CFAP70: variants seen among roughly 807,000 people sequenced by gnomAD.
The protein encoded by CFAP70 is cilia- and flagella-associated protein 70.
In CFAP70, 81 loss-of-function variants were observed where a neutral mutation model predicts 137.6. The ratio of observed to expected loss-of-function variants is 0.59; its 90% CI spans 0.49 to 0.71. The LOEUF is 0.71. Among genes scored for constraint, CFAP70 ranks in the 30% least tolerant of loss-of-function variants. CFAP70 has a pLI of 0.00. For missense variants in CFAP70, 976 were observed against 1,226.7 expected, an observed-to-expected ratio of 0.80 and a Z score of 3.05; for synonymous variants, 382 against 423.6, an observed-to-expected ratio of 0.90 and a Z score of 1.20.
At chr10:73,272,025 G>C (rs1390312868) in intron 24 of CFAP70, among the ~76,000 whole-genome samples, 2 of 152,174 alleles carry the variant, frequency 1.3e-5, no homozygotes, top group Non-Finnish European at 2.9e-5. Context: ...TTTCTATAAT[G>C]AACACATATT....
intron 7 of CFAP70, among the ~76,000 whole-genome samples, chr10:73,331,766 T>C (rs931502572): frequency 6.6e-6 from 1 of 152,144 alleles, no homozygotes; most frequent in African/African-American, 2.4e-5. Context: ...CTGCTCAACT[T>C]CTAGTGAGGC....
intron 25 of CFAP70, among the ~76,000 whole-genome samples, chr10:73,268,738 G>C (rs1157635159): frequency 2.0e-5 from 3 of 151,286 alleles, no homozygotes; most frequent in Non-Finnish European, 4.4e-5. Flanking sequence ...CTGTCACCCA[G>C]GTTGGAGTGC....
intron 14 of CFAP70, 133 bp from the exon 16 acceptor site, chr10:73,297,306 G>A: frequency 2.4e-6 from 2 of 849,768 alleles, no homozygotes; most frequent in East Asian, 2.8e-5. Context: ...TTGGTGGGTG[G>A]TAGACTATCA....
chr10:73,304,009 T>C (rs2049166384), intron 12 of CFAP70, among the ~76,000 whole-genome samples: 1 of 152,172 alleles, frequency 6.6e-6, no homozygotes, highest in African/African-American at 2.4e-5. Flanking sequence ...GTTTTGAGTT[T>C]TTGACTATTT....
chr10:73,358,127 A>C (rs75915163), intron 1 of CFAP70, among the ~76,000 whole-genome samples: 3,033 of 152,326 alleles, frequency 0.02, 91 homozygotes, highest in African/African-American at 0.07. Flanking sequence ...CACTGCACAA[A>C]TGGTATTATT....
intron 9 of CFAP70, 55 bp from the exon 11 acceptor site, chr10:73,312,698 A>T: frequency 3.5e-6 from 5 of 1,415,694 alleles, no homozygotes; most frequent in Non-Finnish European, 4.7e-6. Context: ...AACTTGAAAG[A>T]AATACACATT....
chr10:73,274,795 C>T (rs1373690307), intron 22 of CFAP70: 1 of 543,234 alleles, frequency 1.8e-6, no homozygotes, highest in Non-Finnish European at 3.1e-6. Flanking sequence ...TAGCTCTGCC[C>T]TCAGATTTCT....
At position 73,318,274 on chromosome 10, in the gene CFAP70, CT is replaced by C. The variant is rs554504663; in HGVS notation, c.912+4688del. Reference sequence around the variant, plus strand: ...GTCCATTTGTCCAGCTTTATGGTTGCTTTTGTGGGGAGATGATTTGTCAACC... The same window carrying C: ...GTCCATTTGTCCAGCTTTATGGTTGCTTTGTGGGGAGATGATTTGTCAACC... On this transcript the variant is annotated intron_variant, in intron 9 of 26. Coordinates refer to ENST00000310715, the Ensembl canonical transcript of CFAP70. Among the ~76,000 whole-genome samples, 13 of 152,234 alleles carry C rather than the reference CT, an allele frequency of 8.5e-5. No individual in the cohort carries two copies. In the East Asian group the frequency reaches 2.5e-3, roughly 29 times the overall value.
intron 9 of CFAP70, among the ~76,000 whole-genome samples, chr10:73,314,793 A>G (rs975453043): frequency 1.3e-5 from 2 of 151,916 alleles, no homozygotes; most frequent in Admixed American, 6.5e-5. Flanking sequence ...TTTTGTAAAG[A>G]TAGGGTCTCA....
intron 3 of CFAP70, among the ~76,000 whole-genome samples, chr10:73,351,067 GTGTGTATATATATATATATATATATATA>G (rs2054196633): frequency 1.6e-5 from 1 of 64,048 alleles, no homozygotes; most frequent in African/African-American, 7.7e-5. Context: ...GTGTGTGTGT[GTGTGTATATATATATATATATATATATA>G]TATATATATA....
intron 8 of CFAP70, among the ~76,000 whole-genome samples, chr10:73,330,449 CAAAA>C (rs745806193): frequency 2.9e-5 from 2 of 69,120 alleles, no homozygotes; most frequent in African/African-American, 4.3e-5. Flanking sequence ...GACTCCATCA[CAAAA>C]AAAAAAAAAA....
chr10:73,351,531 TAA>T (rs1460961169), intron 3 of CFAP70, among the ~76,000 whole-genome samples: 2 of 151,950 alleles, frequency 1.3e-5, no homozygotes, highest in Admixed American at 6.6e-5. Flanking sequence ...CCTCTCAGGT[TAA>T]GTGATTCTCC....
chr10:73,320,513 G>C (rs1341557994), intron 9 of CFAP70, among the ~76,000 whole-genome samples: 1 of 151,808 alleles, frequency 6.6e-6, no homozygotes, highest in East Asian at 1.9e-4. Flanking sequence ...TTTTTTTGTA[G>C]AGATAGGGTC....
intron 25 of CFAP70, among the ~76,000 whole-genome samples, chr10:73,268,817 C>T (rs1273374825): frequency 2.6e-5 from 4 of 151,992 alleles, no homozygotes; most frequent in Non-Finnish European, 4.4e-5. Flanking sequence ...CCCCAACCCT[C>T]GAAAGTAGCT....
At chr10:73,279,451 G>T (rs534130261) in intron 19 of CFAP70, among the ~76,000 whole-genome samples, 1 of 151,732 alleles carries the variant, frequency 6.6e-6, no homozygotes, top group Non-Finnish European at 1.5e-5. Context: ...GTGAACCCGG[G>T]AGGCAGAGCT....
chr10:73,258,586 AG>A (rs1250041504), intron 25 of CFAP70, among the ~76,000 whole-genome samples: 4 of 152,240 alleles, frequency 2.6e-5, no homozygotes, highest in African/African-American at 9.6e-5. Flanking sequence ...TCAGGGAACA[AG>A]GGAAATAACT....
At chr10:73,297,162 T>C (rs367643554) in exon 15 of CFAP70, 3 of 1,612,714 alleles carry the variant, frequency 1.9e-6, no homozygotes, top group African/African-American at 1.3e-5. Flanking sequence ...TCACAATCTT[T>C]ACCACAGCAT....
At chr10:73,264,360 T>G (rs749747157) in intron 25 of CFAP70, among the ~76,000 whole-genome samples, 7 of 152,252 alleles carry the variant, frequency 4.6e-5, no homozygotes, top group Non-Finnish European at 1.0e-4. Flanking sequence ...ACACAGGTAT[T>G]TAGACACATA....
At chr10:73,321,745 T>A (rs2050870448) in intron 9 of CFAP70, among the ~76,000 whole-genome samples, 1 of 152,090 alleles carries the variant, frequency 6.6e-6, no homozygotes, top group Non-Finnish European at 1.5e-5. Flanking sequence ...GGATTTCAGT[T>A]TTTCCATATT....
Sources: gnomAD v4.1 joint callset for allele counts (sites outside exome capture counted in the v4.1 genomes callset) on GRCh38, gnomAD v4.1.1 for gene constraint, MANE v1.5 for transcripts, NCBI Gene and HGNC (gene_info 2026-07-23, HGNC 2026-07-21) for gene names.